The following ZSCAN18 variants were observed in gnomAD, a reference collection of about 807,000 sequenced individuals.
ZSCAN18 encodes zinc finger and SCAN domain containing 18.
ZSCAN18 carries 16 observed loss-of-function variants against 31.1 expected under a neutral mutation model. The observed-to-expected ratio is 0.51, with a 90% CI of 0.35 to 0.78. The LOEUF is 0.78. Among genes scored for constraint, ZSCAN18 ranks in the 30% least tolerant of loss-of-function variants. The pLI, the probability that ZSCAN18 is intolerant of heterozygous loss-of-function variation, is 0.01. For missense variants in ZSCAN18, 731 were observed against 697.4 expected (o/e 1.05, Z -0.54); for synonymous variants, 375 against 320.7 (o/e 1.17, Z -1.81).
intron 1 of ZSCAN18, among the ~76,000 whole-genome samples, chr19:58,115,465 G>C (rs1196010332): frequency 1.3e-5 from 2 of 152,146 alleles, no homozygotes; most frequent in Admixed American, 6.5e-5. Flanking sequence ...GTTGAGCCTT[G>C]GGTGCATTTA....
Position 58,085,111 on chromosome 19 carries a change from G to C in ZSCAN18, c.1107C>G (p.Thr369=). Reference sequence around the variant, plus strand: ...CCCCATCCTCGGGGTGCGGCCTCTTGGTTCCCAGTTTCGCCGTGCCCCTGT... The same window carrying C: ...CCCCATCCTCGGGGTGCGGCCTCTTCGTTCCCAGTTTCGCCGTGCCCCTGT... ...APDRGTAKLG[T]KRPHPEDGDG... The change falls in exon 7 of 7, where the codon ACC becomes ACG. Residue 369 remains threonine, a synonymous_variant. Transcript: ENST00000601144. The C allele has an allele frequency of 6.2e-7, 1 of 1,607,516 alleles. No homozygotes were observed. The highest frequency in any genetic ancestry group is 8.5e-7 in the Non-Finnish European group (1 of 1,176,958).
At chr19:58,098,112 C>T in intron 1 of ZSCAN18, 62 bp downstream of exon 1, 1 of 985,446 alleles carries the variant, frequency 1.0e-6, no homozygotes, top group South Asian at 4.7e-5. Context: ...GAGGCGTCCT[C>T]ACCGTCTACC....
In ZSCAN18 at chr19:58,087,385, G is replaced by C. The variant is rs987292599; in HGVS notation, c.573C>G (p.Pro191=). 1.9e-6 allele frequency: 3 copies of C among 1,601,932 alleles called. No homozygotes were observed. The African/African-American group carries it at 4.0e-5, about 21-fold the overall frequency. ...PSETPWLSPD[P]LFLEQRRVRE... is the part of the protein sequence containing the mutation. ...TGACCCTCCTCTGTTCCAGAAACAG[G>C]GGGTCCGGAGAAAGCCAGGCTGGGG... The change falls in exon 4 of 7, where the codon CCC becomes CCG. Residue 191 remains proline (P), a synonymous_variant. Transcript: ENST00000601144.
In ZSCAN18 at chr19:58,088,727, C is replaced by T. The variant is rs1389937340; in HGVS notation, c.514G>A (p.Ala172Thr). ...LPGELASPSQ[A>T]LGAGEIPAPS... ...GCCGGGATCTCCCCAGCTCCAAGGG[C>T]CTGGCTGGGGCTCGCGAGCTCGCCT... The change falls in exon 3 of 7, where the codon GCC (alanine) becomes ACC (threonine). Residue 172 changes from alanine (A) to threonine (T), a missense_variant. Ala to Thr is a moderately conservative substitution (Grantham distance 58). Around this residue, in one of 4 missense-constraint regions of ZSCAN18, gnomAD observed 597 missense variants for 499.5 expected, o/e 1.20. Transcript: ENST00000601144. The T allele has an allele frequency of 6.2e-7, 1 of 1,611,780 alleles. No individual in the cohort carries two copies. Among genetic ancestry groups the T allele is most frequent in the Non-Finnish European group, 8.5e-7 (1 of 1,180,008 alleles).
exon 1 of ZSCAN18, chr19:58,118,294 G>C (rs1350615631): frequency 2.7e-6 from 4 of 1,507,630 alleles, no homozygotes. Flanking sequence ...TCCGCGACCG[G>C]TGGGCGGGAA....
chr19:58,093,742 C>T lies in ZSCAN18; in HGVS notation c.-119-3356G>A, dbSNP rs545460462. Among the ~76,000 whole-genome samples the T allele has an allele frequency of 2.6e-5, 4 of 152,238 alleles. No homozygotes were observed. In the South Asian group the frequency reaches 6.2e-4, roughly 24 times the overall value. On this transcript the variant is annotated intron_variant, in intron 1 of 6. Coordinates refer to ENST00000601144, the MANE Select transcript of ZSCAN18 (RefSeq NM_001145543.2). ...GCTGTCTTTTGGTCACAGGTAATGT[C>T]CTAATGTTTCTTACTATCTAATGCA...
At chr19:58,112,573 C>T (rs1258003233) in intron 1 of ZSCAN18, among the ~76,000 whole-genome samples, 1 of 151,906 alleles carries the variant, frequency 6.6e-6, no homozygotes, top group East Asian at 1.9e-4. Context: ...ATGGCGTGAA[C>T]CCAGGAGGCG....
intron 1 of ZSCAN18, among the ~76,000 whole-genome samples, chr19:58,104,011 A>G (rs2074614377): frequency 6.6e-6 from 1 of 152,234 alleles, no homozygotes; most frequent in South Asian, 2.1e-4. Flanking sequence ...CTTAAGCCAA[A>G]GCCTAATCCA....
intron 6 of ZSCAN18, 99 bp from the exon 7 acceptor site, chr19:58,085,478 C>A (rs563209966): frequency 1.8e-6 from 2 of 1,119,038 alleles, no homozygotes; most frequent in Admixed American, 2.9e-5. Context: ...CACAGGGCTC[C>A]GGGCTCTGGA....
chr19:58,092,676 A>G (rs1385339909), intron 1 of ZSCAN18: 3 of 984,494 alleles, frequency 3.0e-6, no homozygotes, highest in East Asian at 1.1e-4. Flanking sequence ...CGGAACTCTT[A>G]AGTGCTGTTG....
At chr19:58,087,559 T>A (rs1568630060) in intron 3 of ZSCAN18, 155 bp from the exon 4 acceptor site, 1 of 659,726 alleles carries the variant, frequency 1.5e-6, no homozygotes, top group African/African-American at 1.8e-5. Flanking sequence ...TTTCCCTGAT[T>A]TACAAAGCAG....
chr19:58,108,698 C>T, intron 1 of ZSCAN18: 3 of 985,442 alleles, frequency 3.0e-6, no homozygotes, highest in Middle Eastern at 5.2e-4. Flanking sequence ...GAGATACTTC[C>T]ATTGTGTTCA....
intron 5 of ZSCAN18, 126 bp downstream of exon 5, chr19:58,086,780 G>C (rs1195777811): frequency 3.0e-6 from 2 of 669,434 alleles, no homozygotes; most frequent in Non-Finnish European, 5.1e-6. Context: ...TCCAACACGT[G>C]CAAGTTCAAA....
intron 1 of ZSCAN18, chr19:58,107,914 G>T: frequency 1.9e-6 from 2 of 1,075,214 alleles, no homozygotes; most frequent in Non-Finnish European, 1.1e-6. Flanking sequence ...TTGCCACACC[G>T]ATTACACTCG....
At chr19:58,103,020 G>A (rs1167717539), upstream of ZSCAN18, among the ~76,000 whole-genome samples, 1 of 151,946 alleles carries the variant, frequency 6.6e-6, no homozygotes, top group African/African-American at 2.4e-5. Context: ...TACTTGGGAG[G>A]CCGAGGCAGC....
At chr19:58,092,771 CTTTTTTTT>C in intron 1 of ZSCAN18, 1 of 761,994 alleles carries the variant, frequency 1.3e-6, no homozygotes, top group Non-Finnish European at 1.6e-6. Flanking sequence ...GATACCTCTA[CTTTTTTTT>C]TTTTTTTTTT....
chr19:58,111,010 T>C (rs542084858), intron 1 of ZSCAN18, among the ~76,000 whole-genome samples: 7 of 151,860 alleles, frequency 4.6e-5, no homozygotes. Context: ...CTACTAAAAA[T>C]ACAAAATATG....
intron 1 of ZSCAN18, chr19:58,108,639 T>C (rs952509166): frequency 1.0e-6 from 1 of 985,430 alleles, no homozygotes; most frequent in African/African-American, 1.7e-5. Flanking sequence ...TGAAATGAGA[T>C]TTCGGTCTAA....
rs2074244442 is a variant in ZSCAN18, at chr19:58,085,176, C to T, written c.1042G>A (p.Gly348Arg). 1 of 1,610,712 alleles carries T rather than the reference C, an allele frequency of 6.2e-7. No homozygotes were observed. Residue 348 changes from glycine to arginine, a missense_variant, in exon 7 of 7, where the codon GGA becomes AGA. Gly to Arg is a moderately radical substitution (Grantham distance 125, BLOSUM62 -2). Coordinates refer to ENST00000601144, the MANE Select transcript of ZSCAN18 (RefSeq NM_001145543.2). ...TGGATGACGGACTGCCTCTGCGATC[C>T]GGTGGCAGAGTCGGACTCCGCGTCC... ...PQDAESDSAT[G>R]SQRQSVIQQP...
Sources: allele counts gnomAD v4.1 joint callset (sites outside exome capture counted in the v4.1 genomes callset), GRCh38; gene constraint gnomAD v4.1.1; regional missense constraint gnomAD v4.1.1; transcripts MANE v1.5; gene names NCBI Gene and HGNC (gene_info 2026-07-23, HGNC 2026-07-21).